ELMO1: variants seen among roughly 807,000 people sequenced by gnomAD.
ELMO1 encodes the protein engulfment and cell motility protein 1.
A neutral mutation model predicts 98.9 loss-of-function variants in ELMO1; 26 were observed. That is an observed-to-expected ratio of 0.26 (90% CI 0.19 to 0.36). The LOEUF is 0.36. Among genes scored for constraint, ELMO1 ranks in the 10% least tolerant of loss-of-function variants. The probability of loss-of-function intolerance (pLI) is 1.00; values close to 1 mark genes in which losing one functional copy is unlikely to be tolerated. For missense variants in ELMO1, 627 were observed against 935.2 expected, an observed-to-expected ratio of 0.67 and a Z score of 4.30; for synonymous variants, 346 against 346.0, an observed-to-expected ratio of 1.00 and a Z score of 0.00.
At chr7:37,025,805 A>C (rs1794533353) in intron 15 of ELMO1, among the ~76,000 whole-genome samples, 1 of 151,344 alleles carries the variant, frequency 6.6e-6, no homozygotes, top group Non-Finnish European at 1.5e-5. Flanking sequence ...TCTCATATAT[A>C]TATACTTACA....
intron 19 of ELMO1, among the ~76,000 whole-genome samples, chr7:36,873,799 T>C (rs1803732165): frequency 6.6e-6 from 1 of 152,238 alleles, no homozygotes; most frequent in South Asian, 2.1e-4. Context: ...AATTGTGATT[T>C]AAAACAAAAA....
intron 14 of ELMO1, among the ~76,000 whole-genome samples, chr7:37,119,829 T>G (rs1785879827): frequency 6.6e-6 from 1 of 152,216 alleles, no homozygotes; most frequent in African/African-American, 2.4e-5. Context: ...GGAAATTCAT[T>G]ATCTTCTATA....
chr7:37,223,267 G>A (rs1471788881), intron 9 of ELMO1, among the ~76,000 whole-genome samples: 1 of 152,198 alleles, frequency 6.6e-6, no homozygotes, highest in Non-Finnish European at 1.5e-5. Flanking sequence ...CTAATGTAAG[G>A]CAAGTGGTAA....
intron 4 of ELMO1, among the ~76,000 whole-genome samples, chr7:37,312,538 TA>T (rs1798944070): frequency 6.6e-6 from 1 of 152,176 alleles, no homozygotes; most frequent in African/African-American, 2.4e-5. Flanking sequence ...GAGGGTGCCT[TA>T]AAAATGAAAA....
intron 14 of ELMO1, among the ~76,000 whole-genome samples, chr7:37,132,328 T>C (rs776511205): frequency 6.6e-6 from 1 of 152,200 alleles, no homozygotes; most frequent in African/African-American, 2.4e-5. Context: ...TAAGCTTACA[T>C]CTAGTCATCA....
chr7:37,355,806 G>C (rs1388976187), intron 1 of ELMO1, among the ~76,000 whole-genome samples: 1 of 152,242 alleles, frequency 6.6e-6, no homozygotes, highest in Non-Finnish European at 1.5e-5. Flanking sequence ...AAGGAGAAAT[G>C]GATGTCATCT....
chr7:36,926,468 A>T (rs1785583316), intron 16 of ELMO1, among the ~76,000 whole-genome samples: 1 of 150,360 alleles, frequency 6.7e-6, no homozygotes, highest in Non-Finnish European at 1.5e-5. Flanking sequence ...TCTTTGTGCG[A>T]CCCCCCTAGA....
chr7:36,947,486 C>T (rs963910632), intron 16 of ELMO1, among the ~76,000 whole-genome samples: 3 of 152,192 alleles, frequency 2.0e-5, no homozygotes, highest in East Asian at 1.9e-4. Flanking sequence ...ATCTTAAACA[C>T]GTACTGACCA....
rs1234813310 is a variant in ELMO1 at position 36,992,490 on chromosome 7, GA to G, written c.1437+20808del. 3.9e-5 allele frequency among the ~76,000 whole-genome samples: 6 copies of G among 152,078 alleles called. No individual in the cohort carries two copies. The South Asian group carries it at 1.0e-3, about 27-fold the overall frequency. On this transcript the variant is annotated intron_variant, in intron 16 of 21. Transcript: ENST00000310758. ...ATGAACTCCAGAATTGCAGGCTGAT[GA>G]AAAATCAAGCCAGAAGGAAAAATGA...
chr7:37,108,517 G>T (rs1056054639), intron 14 of ELMO1, among the ~76,000 whole-genome samples: 1 of 152,170 alleles, frequency 6.6e-6, no homozygotes. Context: ...TGGCCACATC[G>T]TCCCTGGGGG....
At chr7:37,275,471 C>T (rs2130874347) in intron 4 of ELMO1, among the ~76,000 whole-genome samples, 1 of 152,336 alleles carries the variant, frequency 6.6e-6, no homozygotes, top group Admixed American at 6.5e-5. Context: ...TCCTGCTCTG[C>T]TTCTCACCAG....
At chr7:37,397,082 A>G (rs974888571) in intron 1 of ELMO1, among the ~76,000 whole-genome samples, 1 of 152,254 alleles carries the variant, frequency 6.6e-6, no homozygotes, top group Non-Finnish European at 1.5e-5. Flanking sequence ...ACTGGCTGGA[A>G]TATAGACAGC....
intron 13 of ELMO1, among the ~76,000 whole-genome samples, chr7:37,195,169 A>G (rs1791888420): frequency 6.6e-6 from 1 of 152,202 alleles, no homozygotes; most frequent in African/African-American, 2.4e-5. Context: ...TGAGAATTGT[A>G]GAGGACAGGG....
At chr7:37,222,740 A>G in intron 9 of ELMO1, 47 bp from the exon 10 acceptor site, 9 of 1,583,286 alleles carry the variant, frequency 5.7e-6, no homozygotes, top group Non-Finnish European at 6.9e-6. Context: ...CGAAGTCAGA[A>G]GAGGCTAGCC....
intron 15 of ELMO1, among the ~76,000 whole-genome samples, chr7:37,090,117 G>A (rs1190354160): frequency 6.6e-6 from 1 of 152,158 alleles, no homozygotes; most frequent in East Asian, 1.9e-4. Context: ...ACCAGACACA[G>A]AACAGAAAGA....
At position 37,342,273 on chromosome 7, in the gene ELMO1, A is replaced by C. The variant is rs1232124027; in HGVS notation, c.78+340T>G. ...TTAAGTTTTGTCTTGCCTGTGTTCC[A>C]ACAATCTGCACATATCCATGTGTCA... On this transcript the variant is annotated intron_variant, in intron 2 of 21. Coordinates refer to ENST00000310758, the MANE Select transcript of ELMO1 (RefSeq NM_014800.11). This position sits in a 1 kb window ranked among gnomAD's most constrained non-coding sequence, Gnocchi z 4.3. 1.3e-5 allele frequency among the ~76,000 whole-genome samples: 2 copies of C among 152,238 alleles called. No individual in the cohort carries two copies. Among genetic ancestry groups the C allele is most frequent in the African/African-American group, 4.8e-5 (2 of 41,464 alleles).
At chr7:37,376,948 T>A (rs1364312462) in intron 1 of ELMO1, among the ~76,000 whole-genome samples, 3 of 152,220 alleles carry the variant, frequency 2.0e-5, no homozygotes, top group Non-Finnish European at 4.4e-5. Flanking sequence ...CCATTACCAA[T>A]GCTCCTGGAC....
At chr7:37,288,024 G>A (rs569310971) in intron 4 of ELMO1, among the ~76,000 whole-genome samples, 1 of 152,140 alleles carries the variant, frequency 6.6e-6, no homozygotes, top group East Asian at 1.9e-4. Context: ...GCAGTGGTGC[G>A]ATCTCAGCTC....
chr7:37,241,100 T>C (rs1289065260), intron 7 of ELMO1, among the ~76,000 whole-genome samples: 1 of 152,080 alleles, frequency 6.6e-6, no homozygotes, highest in African/African-American at 2.4e-5. Flanking sequence ...TTCTCCTTAG[T>C]AGTCAGTGTT....
Sources: allele counts gnomAD v4.1 joint callset (sites outside exome capture counted in the v4.1 genomes callset), GRCh38; gene constraint gnomAD v4.1.1; non-coding constraint Gnocchi (gnomAD v3.1); transcripts MANE v1.5; gene names NCBI Gene and HGNC (gene_info 2026-07-23, HGNC 2026-07-21).